The following HIVEP3 variants were observed in gnomAD, a reference collection of about 807,000 sequenced individuals.
HIVEP3 encodes transcription factor HIVEP3.
A neutral mutation model predicts 152.8 loss-of-function variants in HIVEP3; 49 were observed. The observed-to-expected ratio is 0.32, with a 90% CI of 0.26 to 0.41. HIVEP3 has a LOEUF of 0.41. Ranked by LOEUF, HIVEP3 falls within the 10% of genes least tolerant of loss-of-function variation. The pLI is 1.00. For missense variants in HIVEP3, 2,790 were observed against 3,103.3 expected (o/e 0.90, Z 2.40); for synonymous variants, 1,269 against 1,289.0 (o/e 0.98, Z 0.33).
In HIVEP3 at chr1:41,866,480, G is replaced by C. The variant is rs557780659; in HGVS notation, c.-801+51933C>G. Among the ~76,000 whole-genome samples, 5 of 152,324 alleles carry C rather than the reference G, an allele frequency of 3.3e-5. No individual in the cohort carries two copies. The East Asian group carries it at 9.6e-4, about 29-fold the overall frequency. The stretch of plus-strand genomic sequence containing the variant: ...CTATGCAGTGCACTCCACTTTCTAG[G>C]GCAGGCTGCTTGCCAAGGATTCACA... On this transcript the variant is annotated intron_variant, in intron 1 of 8. Transcript: ENST00000372583.
chr1:41,531,799 C>G (rs62653697), intron 5 of HIVEP3, among the ~76,000 whole-genome samples: 3 of 20,734 alleles, frequency 1.4e-4, no homozygotes, highest in Non-Finnish European at 9.6e-5. Flanking sequence ...ACAGGGGAGA[C>G]GGAGGACAGG....
At position 41,507,998 on chromosome 1, in the gene HIVEP3, G is replaced by A. The variant is rs1223676221; in HGVS notation, c.*2453C>T. On this transcript the variant is annotated 3_prime_UTR_variant, in exon 9 of 9. Coordinates refer to ENST00000372583, the MANE Select transcript of HIVEP3 (RefSeq NM_024503.5). ...TCTGCCTGAGCCTGACGGGCCCGGT[G>A]ACTGCCGGGCCTCTGCCCTGCCGGC... is the stretch of plus-strand genomic sequence containing the variant. The A allele has an allele frequency of 6.6e-5, 10 of 152,356 alleles. No individual in the cohort carries two copies. The highest frequency in any genetic ancestry group is 6.5e-4 in the Admixed American group (10 of 15,292). The allele number at this position is 152,356 out of a possible 1,614,324, so 9.4% of individuals were successfully genotyped here. A position where few individuals can be genotyped will look rare whatever the true frequency, so the allele number is the denominator to read the frequency against.
intron 2 of HIVEP3, among the ~76,000 whole-genome samples, chr1:41,655,750 C>A (rs540433979): frequency 1.3e-5 from 2 of 152,246 alleles, no homozygotes; most frequent in South Asian, 4.1e-4. Flanking sequence ...CGATTGGCCT[C>A]CCTCCACTAG....
At chr1:41,828,665 G>C (rs1642872013) in intron 1 of HIVEP3, among the ~76,000 whole-genome samples, 1 of 152,176 alleles carries the variant, frequency 6.6e-6, no homozygotes, top group Admixed American at 6.5e-5. Flanking sequence ...AAATCTGTAA[G>C]AGCTTCATTG....
intron 5 of HIVEP3, among the ~76,000 whole-genome samples, chr1:41,529,450 ACCCT>A: frequency 1.3e-5 from 1 of 77,164 alleles, no homozygotes; most frequent in East Asian, 3.1e-4. Flanking sequence ...CACACCCCAC[ACCCT>A]CACACTCCCC....
At chr1:41,696,750 TA>T (rs1056582189) in intron 2 of HIVEP3, among the ~76,000 whole-genome samples, 84 of 148,116 alleles carry the variant, frequency 5.7e-4, no homozygotes, top group African/African-American at 9.1e-4. Flanking sequence ...AATCCTAATT[TA>T]AAAAAAAAAA....
rs75285650 is a variant in HIVEP3, at chr1:41,775,788, G to C, written c.-800-74793C>G. 6.9e-3 allele frequency among the ~76,000 whole-genome samples: 1,058 copies of C among 152,258 alleles called. 6 individuals are homozygous for C. The highest frequency in any genetic ancestry group is 0.024 in the African/African-American group (1,008 of 41,538). The stretch of plus-strand genomic sequence containing the variant: ...GAGCCACCGCACCCAGCCAGAAGGA[G>C]TGGTTTTGATACCTGAGCTTCCAAC... On this transcript the variant is annotated intron_variant, in intron 1 of 8. Transcript: ENST00000372583.
intron 1 of HIVEP3, among the ~76,000 whole-genome samples, chr1:41,986,123 TA>T (rs1453163380): frequency 2.0e-5 from 3 of 152,160 alleles, no homozygotes; most frequent in African/African-American, 2.4e-5. Context: ...TCCTCATCTT[TA>T]AAATCAAGGG....
chr1:42,024,366 T>A (rs183597435), intron 1 of HIVEP3, among the ~76,000 whole-genome samples: 2 of 152,204 alleles, frequency 1.3e-5, no homozygotes, highest in African/African-American at 4.8e-5. Context: ...TTATTTTCAC[T>A]CTTTCTGTGG....
In HIVEP3 at chr1:41,510,439, G is replaced by C. The variant is rs1390118947; in HGVS notation, c.*12C>G. 6.1e-6 allele frequency: 9 copies of C among 1,470,562 alleles called. No individual in the cohort carries two copies. The highest frequency in any genetic ancestry group is 7.2e-6 in the Non-Finnish European group (8 of 1,109,350). 91.1% of individuals were successfully genotyped at this position (1,470,562 alleles called of 1,614,324 possible). On this transcript the variant is annotated 3_prime_UTR_variant, in exon 9 of 9. Transcript: ENST00000372583. ...ACACTGGAAGCCAGATGCTGAAGCA[G>C]TTGGAGAGAGGCTAAGCGTTGGGGG...
chr1:41,816,932 T>C (rs1411980814), intron 1 of HIVEP3, among the ~76,000 whole-genome samples: 1 of 152,210 alleles, frequency 6.6e-6, no homozygotes, highest in Non-Finnish European at 1.5e-5. Context: ...TAAGATGTCT[T>C]CCTGACCATC....
chr1:41,973,400 G>C (rs948566571), intron 1 of HIVEP3, among the ~76,000 whole-genome samples: 1 of 152,196 alleles, frequency 6.6e-6, no homozygotes, highest in Non-Finnish European at 1.5e-5. Context: ...ATTGAGGTAG[G>C]ATCTGCTTCC....
intron 1 of HIVEP3, among the ~76,000 whole-genome samples, chr1:41,840,806 T>C (rs1464033512): frequency 6.6e-6 from 1 of 152,190 alleles, no homozygotes; most frequent in Non-Finnish European, 1.5e-5. Context: ...CCAGGCATGC[T>C]GGGCTGGTGA....
intron 1 of HIVEP3, among the ~76,000 whole-genome samples, chr1:41,889,288 T>C (rs1236312452): frequency 6.6e-6 from 1 of 152,116 alleles, no homozygotes. Flanking sequence ...TAAAGTGTGC[T>C]TTGCATTCCA....
At chr1:41,648,371 C>G (rs1014903461) in intron 2 of HIVEP3, among the ~76,000 whole-genome samples, 1 of 152,230 alleles carries the variant, frequency 6.6e-6, no homozygotes, top group African/African-American at 2.4e-5. Flanking sequence ...ATCATCACCA[C>G]CATCTTACAG....
intron 1 of HIVEP3, among the ~76,000 whole-genome samples, chr1:41,990,367 C>T (rs541313256): frequency 9.2e-5 from 14 of 151,992 alleles, no homozygotes; most frequent in Admixed American, 7.9e-4. Context: ...TTTTCCTTCA[C>T]AGACTTTAAA....
At chr1:41,886,172 G>A (rs747082503) in intron 1 of HIVEP3, among the ~76,000 whole-genome samples, 1 of 152,150 alleles carries the variant, frequency 6.6e-6, no homozygotes, top group Admixed American at 6.5e-5. Context: ...ATATTGAATG[G>A]TGTTACAGTA....
At chr1:41,519,783 G>A (rs1453996694) in intron 6 of HIVEP3, among the ~76,000 whole-genome samples, 1 of 152,138 alleles carries the variant, frequency 6.6e-6, no homozygotes, top group East Asian at 1.9e-4. Context: ...AGGATGGAAC[G>A]CTAGATGAGC....
chr1:41,552,613 A>T (rs1259815672), intron 5 of HIVEP3, among the ~76,000 whole-genome samples: 3 of 148,428 alleles, frequency 2.0e-5, no homozygotes, highest in Admixed American at 6.7e-5. Flanking sequence ...AATCCAGTCT[A>T]TCATTGTTGG....
Sources: gnomAD v4.1 joint callset for allele counts (sites outside exome capture counted in the v4.1 genomes callset) on GRCh38, gnomAD v4.1.1 for gene constraint, MANE v1.5 for transcripts, NCBI Gene and HGNC (gene_info 2026-07-23, HGNC 2026-07-21) for gene names.